GATAD1: variants seen among roughly 807,000 people sequenced by gnomAD.
GATAD1 encodes the protein GATA zinc finger domain-containing protein 1.
GATAD1 carries 12 observed loss-of-function variants against 26.5 expected under a neutral mutation model. That is an observed-to-expected ratio of 0.45 (90% CI 0.29 to 0.73). GATAD1 has a LOEUF of 0.73. Among genes scored for constraint, GATAD1 ranks in the 30% least tolerant of loss-of-function variants. GATAD1 has a pLI of 0.10. For synonymous variants in GATAD1, 129 were observed against 133.1 expected (o/e 0.97, Z 0.21); for missense variants, 266 against 342.1 (o/e 0.78, Z 1.75).
the GATAD1 span, among the ~76,000 whole-genome samples, chr7:92,485,768 C>A: frequency 1.3e-5 from 2 of 152,184 alleles, no homozygotes; most frequent in Admixed American, 1.3e-4. Flanking sequence ...TAACATATCT[C>A]CTCCATTCTG....
At chr7:92,472,641 G>A in the GATAD1 span, 1 of 152,220 alleles carries the variant, frequency 6.6e-6, no homozygotes, top group African/African-American at 2.4e-5. Context: ...CTTAATTAGT[G>A]TATTTAATGA....
chr7:92,460,249 A>G (rs1443437103), downstream of GATAD1, among the ~76,000 whole-genome samples: 1 of 152,228 alleles, frequency 6.6e-6, no homozygotes, highest in Non-Finnish European at 1.5e-5. Flanking sequence ...GCTTAGAATG[A>G]AGTTTCTGTC....
intron 2 of GATAD1, chr7:92,449,685 TTAA>T: frequency 6.3e-5 from 48 of 760,642 alleles, no homozygotes; most frequent in South Asian, 1.2e-4. Context: ...TTTTTTTTTT[TTAA>T]TTTAATTTAA....
At chr7:92,489,183 T>G in the GATAD1 span, 163 of 1,033,684 alleles carry the variant, frequency 1.6e-4, no homozygotes, top group African/African-American at 2.3e-3. Context: ...TGAATTAGCT[T>G]TTAAATATTC....
intron 4 of GATAD1, among the ~76,000 whole-genome samples, chr7:92,455,703 C>G (rs1206933677): frequency 3.3e-5 from 5 of 152,184 alleles, no homozygotes; most frequent in Non-Finnish European, 2.9e-5. Flanking sequence ...ACTCCAGGGA[C>G]AAATAATATA....
intron 2 of GATAD1, 87 bp downstream of exon 2, chr7:92,448,964 C>T (rs1789298724): frequency 6.5e-6 from 9 of 1,382,960 alleles, no homozygotes; most frequent in Non-Finnish European, 9.2e-6. Flanking sequence ...TGAACTTGGA[C>T]TCTGCCCTTG....
In GATAD1 at chr7:92,454,670, G is replaced by T. The variant is rs564747350; in HGVS notation, c.604G>T (p.Ala202Ser). Reference protein sequence around the residue: ...LSSPRDQFDPASYIIGPEEDL... With the variant: ...LSSPRDQFDPSSYIIGPEEDL... Reference sequence around the variant, plus strand: ...TAGCCCCAGAGACCAATTTGATCCCGCCTCCTATATCATAGGTAAGTTTGA... The same window carrying T: ...TAGCCCCAGAGACCAATTTGATCCCTCCTCCTATATCATAGGTAAGTTTGA... The change falls in exon 4 of 5, where the codon GCC becomes TCC. Residue 202 changes from alanine to serine, a missense_variant. Ala to Ser is a moderately conservative substitution (Grantham distance 99, BLOSUM62 1). Transcript: ENST00000287957. The T allele has an allele frequency of 4.4e-6, 7 of 1,591,778 alleles. No individual in the cohort carries two copies. The highest frequency in any genetic ancestry group is 1.4e-5 in the African/African-American group (1 of 73,736).
At chr7:92,464,896 T>C (rs1259597822), downstream of GATAD1, among the ~76,000 whole-genome samples, 2 of 152,128 alleles carry the variant, frequency 1.3e-5, no homozygotes, top group East Asian at 1.9e-4. Context: ...TTCCAAAGAG[T>C]TCATTTCAGG....
chr7:92,474,930 C>T, the GATAD1 span: 1 of 151,994 alleles, frequency 6.6e-6, no homozygotes, highest in Non-Finnish European at 1.5e-5. Flanking sequence ...CACTGTTTAC[C>T]CTTTTGTCTA....
rs763021285 is a variant in GATAD1 at position 92,456,451 on chromosome 7, G to T, written c.699G>T (p.Arg233=). The T allele has an allele frequency of 6.2e-7, 1 of 1,612,284 alleles. No individual in the cohort carries two copies. The highest frequency in any genetic ancestry group is 8.5e-7 in the Non-Finnish European group (1 of 1,178,350). The change falls in exon 5 of 5, where the codon CGG becomes CGT. Residue 233 remains arginine, a synonymous_variant. Transcript: ENST00000287957. The part of the protein sequence containing the change: ...CHAPSEYFKS[R]SSPFPTVPTR... ...CACCTTCTGAGTATTTCAAGTCACG[G>T]TCATCACCATTTCCCACAGTTCCCA...
At chr7:92,473,715 AC>A in the GATAD1 span, among the ~76,000 whole-genome samples, 6 of 151,582 alleles carry the variant, frequency 4.0e-5, no homozygotes, top group Admixed American at 2.0e-4. Flanking sequence ...CCGTCTTAGG[AC>A]CCCCTCAGAT....
Position 92,447,514 on chromosome 7 carries a change from C to T in GATAD1, c.-216C>T, listed in dbSNP as rs148597998. On this transcript the variant is annotated 5_prime_UTR_variant, in exon 1 of 5. Coordinates refer to ENST00000287957, the MANE Select transcript of GATAD1 (RefSeq NM_021167.5). ...AGTCCTGCTTCCCAGTGCCTCGGGC[C>T]AGGGAATCCTGGCCTCCGCCTGCGG... 7.0e-6 allele frequency: 3 copies of T among 431,516 alleles called. No individual in the cohort carries two copies. Among genetic ancestry groups the T allele is most frequent in the African/African-American group, 6.3e-5 (3 of 47,904 alleles). 26.7% of individuals were successfully genotyped at this position (431,516 alleles called of 1,614,324 possible).
the GATAD1 span, chr7:92,491,427 C>A: frequency 6.2e-7 from 1 of 1,613,824 alleles, no homozygotes; most frequent in South Asian, 1.1e-5. Flanking sequence ...CCAGCTGAAT[C>A]GTCAGAGCCA....
intron 4 of GATAD1, among the ~76,000 whole-genome samples, chr7:92,455,350 G>A (rs561004812): frequency 1.2e-3 from 179 of 152,182 alleles, no homozygotes; most frequent in African/African-American, 4.1e-3. Context: ...AGGTTATTTA[G>A]GTTACTTATT....
chr7:92,491,758 C>A, the GATAD1 span: 2 of 452,524 alleles, frequency 4.4e-6, no homozygotes, highest in African/African-American at 4.0e-5. Flanking sequence ...AAGACTCAGA[C>A]CTCTGGGCTT....
At chr7:92,469,541 T>C in the GATAD1 span, 3 of 766,460 alleles carry the variant, frequency 3.9e-6, no homozygotes, top group African/African-American at 3.4e-5. Flanking sequence ...GAAGAGCCAT[T>C]CAAACAACGA....
At chr7:92,478,981 C>T in the GATAD1 span, among the ~76,000 whole-genome samples, 8 of 152,180 alleles carry the variant, frequency 5.3e-5, no homozygotes, top group African/African-American at 1.4e-4. Flanking sequence ...GAATGATACA[C>T]CTGGTCAACC....
At chr7:92,448,938 C>G in intron 2 of GATAD1, 61 bp downstream of exon 2, 1 of 1,501,288 alleles carries the variant, frequency 6.7e-7, no homozygotes. Flanking sequence ...CTGCCACTGC[C>G]TTCATTTCTC....
rs774084134 is a variant in GATAD1, at chr7:92,456,428, C to A, written c.676C>A (p.Pro226Thr). The A allele has an allele frequency of 6.2e-7, 1 of 1,612,858 alleles. No homozygotes were observed. The change falls in exon 5 of 5, where the codon CCT (proline) becomes ACT (threonine). Residue 226 changes from proline to threonine, a missense_variant. Physicochemically the swap from Pro to Thr is conservative, Grantham distance 38. Transcript: ENST00000287957. ...ATACTTGGAATTTGTTTGTCATGCACCTTCTGAGTATTTCAAGTCACGGTC... is the reference window on the plus strand; with the variant it reads ...ATACTTGGAATTTGTTTGTCATGCAACTTCTGAGTATTTCAAGTCACGGTC... ...MEYLEFVCHA[P>T]SEYFKSRSSP...
Sources: allele counts gnomAD v4.1 joint callset (sites outside exome capture counted in the v4.1 genomes callset), GRCh38; gene constraint gnomAD v4.1.1; transcripts MANE v1.5; gene names NCBI Gene and HGNC (gene_info 2026-07-23, HGNC 2026-07-21).